Variants in CSMD2 observed in about 807,000 individuals in gnomAD.
CSMD2 encodes CUB and Sushi multiple domains 2, also known as CUB and sushi domain-containing protein 2.
A neutral mutation model predicts 398.5 loss-of-function variants in CSMD2; 130 were observed. The observed-to-expected ratio is 0.33, with a 90% CI of 0.28 to 0.38. The LOEUF (loss-of-function observed/expected upper bound fraction) is 0.38. CSMD2 is among the 10% of genes least tolerant of loss of function. The pLI, the probability that CSMD2 is intolerant of heterozygous loss-of-function variation, is 1.00. For missense variants in CSMD2, 3,829 were observed against 4,764.9 expected, an observed-to-expected ratio of 0.80 and a Z score of 5.78; for synonymous variants, 1,828 against 1,908.5, an observed-to-expected ratio of 0.96 and a Z score of 1.10.
chr1:33,650,360 T>G (rs2148962467), intron 28 of CSMD2, among the ~76,000 whole-genome samples: 1 of 151,978 alleles, frequency 6.6e-6, no homozygotes, highest in Non-Finnish European at 1.5e-5. Context: ...AAATCAAACA[T>G]TTATGGAGGA....
intron 27 of CSMD2, among the ~76,000 whole-genome samples, chr1:33,654,998 C>T (rs551124258): frequency 3.9e-5 from 6 of 152,362 alleles, no homozygotes; most frequent in Admixed American, 3.9e-4. Flanking sequence ...CATGGGCTTC[C>T]CTGGCTGCTG....
chr1:34,101,820 T>C (rs1279994814), intron 1 of CSMD2, among the ~76,000 whole-genome samples: 5 of 152,138 alleles, frequency 3.3e-5, no homozygotes, highest in Admixed American at 2.0e-4. Flanking sequence ...TGTAGTTGTT[T>C]GGCCTTTTAA....
At chr1:34,165,745 AC>A, upstream of CSMD2, 1 of 1,613,926 alleles carries the variant, frequency 6.2e-7, no homozygotes, top group African/African-American at 1.3e-5. Flanking sequence ...CTTGGCTCTT[AC>A]CAGCTGATCT....
At chr1:34,097,964 G>C (rs78794831) in intron 1 of CSMD2, among the ~76,000 whole-genome samples, 1 of 128,432 alleles carries the variant, frequency 7.8e-6, no homozygotes. Flanking sequence ...GCATGCACAC[G>C]TATGTTTATT....
At chr1:33,734,699 C>A (rs956586253) in intron 15 of CSMD2, among the ~76,000 whole-genome samples, 7 of 151,480 alleles carry the variant, frequency 4.6e-5, no homozygotes, top group Admixed American at 3.3e-4. Flanking sequence ...GCAGGAGAAT[C>A]GCTTGAACTT....
intron 2 of CSMD2, among the ~76,000 whole-genome samples, chr1:34,039,898 A>C (rs1235624424): frequency 3.9e-5 from 6 of 152,176 alleles, no homozygotes; most frequent in Non-Finnish European, 1.5e-5. Context: ...CACACCTGTA[A>C]TCCCAGCACT....
intron 2 of CSMD2, among the ~76,000 whole-genome samples, chr1:34,068,162 TCG>T (rs1283952641): frequency 5.9e-5 from 9 of 152,168 alleles, no homozygotes; most frequent in African/African-American, 2.2e-4. Context: ...TTGACAACAG[TCG>T]TCATTTCCCC....
intron 1 of CSMD2, among the ~76,000 whole-genome samples, chr1:34,113,760 C>T (rs1274059619): frequency 2.0e-5 from 3 of 152,204 alleles, no homozygotes; most frequent in Non-Finnish European, 4.4e-5. Flanking sequence ...TAAGAAGTTA[C>T]AGTACCCCAG....
At chr1:33,835,754 A>C (rs1459674416) in intron 6 of CSMD2, among the ~76,000 whole-genome samples, 1 of 148,354 alleles carries the variant, frequency 6.7e-6, no homozygotes, top group Non-Finnish European at 1.5e-5. Flanking sequence ...TATTCTAGTT[A>C]GCCATTTGTC....
At chr1:33,994,564 A>G (rs554218416) in intron 3 of CSMD2, among the ~76,000 whole-genome samples, 2 of 152,270 alleles carry the variant, frequency 1.3e-5, no homozygotes, top group South Asian at 4.1e-4. Context: ...GTTTTTCATT[A>G]TATTTCCAGA....
At chr1:34,048,366 C>A (rs1015457205) in intron 2 of CSMD2, among the ~76,000 whole-genome samples, 1 of 152,218 alleles carries the variant, frequency 6.6e-6, no homozygotes, top group Admixed American at 6.5e-5. Flanking sequence ...GATGGAACAG[C>A]TGAGATTTAC....
At chr1:33,958,071 G>A (rs535983541) in intron 3 of CSMD2, among the ~76,000 whole-genome samples, 8 of 151,980 alleles carry the variant, frequency 5.3e-5, no homozygotes, top group Non-Finnish European at 7.4e-5. Context: ...CCATGGCAAC[G>A]CTTTATGAAA....
chr1:33,820,463 T>C lies in CSMD2; in HGVS notation c.1199+6A>G, dbSNP rs1411013465. 1.3e-6 allele frequency: 2 copies of C among 1,598,892 alleles called. No homozygotes were observed. Among genetic ancestry groups the C allele is most frequent in the Non-Finnish European group, 1.7e-6 (2 of 1,168,218 alleles). On this transcript the variant is annotated splice_donor_region_variant and intron_variant, in intron 8 of 70. Transcript: ENST00000373381. ...TGCAATCAGAAAATTCCCAAATAGATCTTACCTGAAATCCGAGCCTAGTCT... is the reference window on the plus strand; with the variant it reads ...TGCAATCAGAAAATTCCCAAATAGACCTTACCTGAAATCCGAGCCTAGTCT...
At chr1:33,848,603 A>G (rs939218066) in intron 5 of CSMD2, among the ~76,000 whole-genome samples, 3 of 152,216 alleles carry the variant, frequency 2.0e-5, no homozygotes, top group African/African-American at 7.2e-5. Flanking sequence ...AAACAAAAGA[A>G]CTAACCAAGG....
chr1:33,529,697 C>A (rs1570630205), intron 64 of CSMD2, among the ~76,000 whole-genome samples: 1 of 152,130 alleles, frequency 6.6e-6, no homozygotes, highest in African/African-American at 2.4e-5. Context: ...AAAACATAGG[C>A]ATAAATCTTT....
chr1:33,605,195 G>A, intron 42 of CSMD2, 87 bp downstream of exon 42: 2 of 1,280,762 alleles, frequency 1.6e-6, no homozygotes. Context: ...AGATCCCACA[G>A]AGCAGGTAGG....
rs904097550 is a variant in CSMD2, at chr1:33,624,330, T to C, written c.5625+189A>G. On this transcript the variant is annotated intron_variant, in intron 35 of 70. Transcript: ENST00000373381. This position sits in a 1 kb window ranked among gnomAD's most constrained non-coding sequence, Gnocchi z 4.7. Reference sequence around the variant, plus strand: ...CCTGGAACCTGCTGTGTTTTCTGCATGGGAGCCACATCTCCACACTTGGAC... The same window carrying C: ...CCTGGAACCTGCTGTGTTTTCTGCACGGGAGCCACATCTCCACACTTGGAC... Among the ~76,000 whole-genome samples the C allele has an allele frequency of 6.6e-6, 1 of 152,154 alleles. No homozygotes were observed. Among genetic ancestry groups the C allele is most frequent in the Non-Finnish European group, 1.5e-5 (1 of 68,008 alleles).
At chr1:34,053,402 C>T (rs1653441532) in intron 2 of CSMD2, among the ~76,000 whole-genome samples, 1 of 152,156 alleles carries the variant, frequency 6.6e-6, no homozygotes, top group South Asian at 2.1e-4. Context: ...GGGTGACTGG[C>T]TCTTCTTTAG....
At chr1:33,789,412 A>G (rs548715921) in intron 11 of CSMD2, among the ~76,000 whole-genome samples, 115 of 152,350 alleles carry the variant, frequency 7.5e-4, no homozygotes, top group South Asian at 3.5e-3. Context: ...CCAGGAAGGT[A>G]GGGGTTGTCA....
Sources: gnomAD v4.1 joint callset for allele counts (sites outside exome capture counted in the v4.1 genomes callset) on GRCh38, gnomAD v4.1.1 for gene constraint, Gnocchi (gnomAD v3.1) non-coding constraint, MANE v1.5 for transcripts, NCBI Gene and HGNC (gene_info 2026-07-23, HGNC 2026-07-21) for gene names.